Variants in ATG7 observed in about 807,000 individuals in gnomAD.
ATG7 encodes the protein autophagy related 7, also known as ubiquitin-like modifier-activating enzyme ATG7.
ATG7 carries 70 observed loss-of-function variants against 82.4 expected under a neutral mutation model. The ratio of observed to expected loss-of-function variants is 0.85; its 90% CI spans 0.70 to 1.04. The LOEUF is 1.04. ATG7 is among the 50% of genes least tolerant of loss of function. The pLI, the probability that ATG7 is intolerant of heterozygous loss-of-function variation, is 0.00. For synonymous variants in ATG7, 287 were observed against 313.0 expected, an observed-to-expected ratio of 0.92 and a Z score of 0.88; for missense variants, 792 against 864.3, an observed-to-expected ratio of 0.92 and a Z score of 1.05.
At chr3:11,361,291 T>C (rs1420095414) in intron 16 of ATG7, among the ~76,000 whole-genome samples, 1 of 151,920 alleles carries the variant, frequency 6.6e-6, no homozygotes, top group Non-Finnish European at 1.5e-5. Context: ...GAATTCTTTT[T>C]TTTTTTTTTT....
intron 20 of ATG7, among the ~76,000 whole-genome samples, chr3:11,453,458 G>A (rs148361341): frequency 6.6e-6 from 1 of 152,172 alleles, no homozygotes; most frequent in Non-Finnish European, 1.5e-5. Flanking sequence ...CACACCCTTC[G>A]TCAGGATGTA....
In ATG7 at chr3:11,490,248, G is replaced by A. The variant is rs183155986; in HGVS notation, c.2079+63322G>A. ...ATTATGTAATGGCCTTGTCTCTTTT[G>A]ATCTTTGTTGGTTTAAAGTCTTCTA... On this transcript the variant is annotated intron_variant, in intron 20 of 20. Coordinates refer to ENST00000693202, the MANE Select transcript of ATG7 (RefSeq NM_001349232.2). Among the ~76,000 whole-genome samples the A allele has an allele frequency of 1.6e-3, 244 of 152,274 alleles. 1 individual carries two copies. The highest frequency in any genetic ancestry group is 5.6e-3 in the African/African-American group (234 of 41,556).
At chr3:11,515,697 C>G in intron 20 of ATG7, among the ~76,000 whole-genome samples, 1 of 151,318 alleles carries the variant, frequency 6.6e-6, no homozygotes, top group East Asian at 1.9e-4. Flanking sequence ...CTCTCTTTCT[C>G]TCTCTCTCAT....
intron 19 of ATG7, among the ~76,000 whole-genome samples, chr3:11,423,583 T>A (rs897494268): frequency 1.3e-5 from 2 of 152,212 alleles, no homozygotes; most frequent in South Asian, 2.1e-4. Flanking sequence ...TAAGGAATCT[T>A]GTTATTACTG....
chr3:11,370,656 C>T (rs767946424), intron 18 of ATG7, among the ~76,000 whole-genome samples: 2 of 151,056 alleles, frequency 1.3e-5, no homozygotes, highest in African/African-American at 2.4e-5. Flanking sequence ...AGCCTCCCAT[C>T]GAGGCCTGGG....
chr3:11,543,932 A>G (rs1030535354), intron 20 of ATG7, among the ~76,000 whole-genome samples: 5 of 152,146 alleles, frequency 3.3e-5, no homozygotes, highest in South Asian at 2.1e-4. Context: ...GGCTGCTGGC[A>G]GCAGACATCA....
At chr3:11,563,454 C>T in the ATG7 span, among the ~76,000 whole-genome samples, 1 of 152,248 alleles carries the variant, frequency 6.6e-6, no homozygotes, top group Non-Finnish European at 1.5e-5. Context: ...CCAGCCCCTG[C>T]TGCTGCCCAA....
chr3:11,446,614 A>G (rs2084581888), intron 20 of ATG7: 1 of 363,192 alleles, frequency 2.8e-6, no homozygotes, highest in Non-Finnish European at 5.3e-6. Context: ...GGCACATGAT[A>G]CATCATGGTA....
Position 11,555,031 on chromosome 3 carries a change from C to T in ATG7, c.*188C>T. 1 of 668,692 alleles carries T rather than the reference C, an allele frequency of 1.5e-6. No homozygotes were observed. Among genetic ancestry groups the T allele is most frequent in the Non-Finnish European group, 2.5e-6 (1 of 407,396 alleles). 41.4% of individuals were successfully genotyped at this position (668,692 alleles called of 1,614,324 possible). A position where few individuals can be genotyped will look rare whatever the true frequency, so the allele number is the denominator to read the frequency against. ...GCGTTGCTCGGGATTCAAGATACCA[C>T]CAGTTCAGAGCTAAATAATAACCTT... On this transcript the variant is annotated 3_prime_UTR_variant, in exon 21 of 21. Coordinates refer to ENST00000693202, the MANE Select transcript of ATG7 (RefSeq NM_001349232.2).
chr3:11,340,764 C>T (rs200351973), intron 12 of ATG7, 29 bp downstream of exon 12: 94 of 1,599,046 alleles, frequency 5.9e-5, no homozygotes, highest in Non-Finnish European at 7.1e-5. Flanking sequence ...TTTCTCCAGT[C>T]GGGCTTTTTG....
intron 20 of ATG7, among the ~76,000 whole-genome samples, chr3:11,492,171 G>A (rs1202422351): frequency 3.3e-5 from 5 of 152,196 alleles, no homozygotes; most frequent in Admixed American, 6.5e-5. Context: ...CTGGTGCGCC[G>A]TTTTTAAAGC....
intron 11 of ATG7, among the ~76,000 whole-genome samples, chr3:11,339,387 A>C (rs1953140690): frequency 6.6e-6 from 1 of 152,116 alleles, no homozygotes; most frequent in Non-Finnish European, 1.5e-5. Flanking sequence ...CTTAACTTCA[A>C]GTCAAGGAGT....
At chr3:11,313,214 T>A in intron 7 of ATG7, 90 bp from the exon 8 acceptor site, 1 of 755,952 alleles carries the variant, frequency 1.3e-6, no homozygotes, top group Non-Finnish European at 2.1e-6. Flanking sequence ...TTTGCTATCT[T>A]AATTGGCCTT....
the ATG7 span, among the ~76,000 whole-genome samples, chr3:11,574,460 T>C: frequency 8.6e-5 from 13 of 151,990 alleles, no homozygotes; most frequent in African/African-American, 2.2e-4. Context: ...GACCTGCCAG[T>C]AAGAAGCTGA....
intron 8 of ATG7, among the ~76,000 whole-genome samples, chr3:11,313,782 T>C (rs537173198): frequency 6.6e-6 from 1 of 152,154 alleles, no homozygotes; most frequent in Non-Finnish European, 1.5e-5. Flanking sequence ...TGTCTTTTAA[T>C]AGATATGGGG....
At chr3:11,571,088 G>A in the ATG7 span, among the ~76,000 whole-genome samples, 1 of 152,184 alleles carries the variant, frequency 6.6e-6, no homozygotes, top group Non-Finnish European at 1.5e-5. Flanking sequence ...AAGTACAAAT[G>A]GCAAGAAGTG....
chr3:11,326,568 G>C (rs1272887551), intron 9 of ATG7, among the ~76,000 whole-genome samples: 1 of 152,196 alleles, frequency 6.6e-6, no homozygotes, highest in Non-Finnish European at 1.5e-5. Context: ...AGAGTGCTGG[G>C]ATTACAGGCG....
At chr3:11,448,046 G>T (rs1271245748) in intron 20 of ATG7, among the ~76,000 whole-genome samples, 1 of 152,194 alleles carries the variant, frequency 6.6e-6, no homozygotes, top group Admixed American at 6.5e-5. Flanking sequence ...GGAGTTGAGT[G>T]AAAGTCATGA....
intron 19 of ATG7, among the ~76,000 whole-genome samples, chr3:11,401,949 A>G (rs964496356): frequency 6.6e-6 from 1 of 152,222 alleles, no homozygotes; most frequent in Non-Finnish European, 1.5e-5. Flanking sequence ...TTTCTTAAAT[A>G]ATAAACATTT....
Sources: allele counts gnomAD v4.1 joint callset (sites outside exome capture counted in the v4.1 genomes callset), GRCh38; gene constraint gnomAD v4.1.1; transcripts MANE v1.5; gene names NCBI Gene and HGNC (gene_info 2026-07-23, HGNC 2026-07-21).